KATNBL1: variants seen among roughly 807,000 people sequenced by gnomAD.
The protein encoded by KATNBL1 is KATNB1-like protein 1.
A neutral mutation model predicts 44.7 loss-of-function variants in KATNBL1; 28 were observed. The observed-to-expected ratio is 0.63, with a 90% CI of 0.46 to 0.86. The LOEUF is 0.86. Ranked by LOEUF, KATNBL1 falls within the 40% of genes least tolerant of loss-of-function variation. KATNBL1 has a pLI of 0.00. For missense variants in KATNBL1, 272 were observed against 350.7 expected (o/e 0.78, Z 1.79); for synonymous variants, 78 against 114.9 (o/e 0.68, Z 2.06).
intron 1 of KATNBL1, chr15:34,166,012 G>A (rs1371700983): frequency 6.6e-6 from 1 of 152,486 alleles, no homozygotes; most frequent in East Asian, 1.9e-4. Context: ...CAGCTCCCAG[G>A]GTGATCAACA....
intron 9 of KATNBL1, chr15:34,145,039 TTTAATTA>T (rs1238939915): frequency 1.0e-6 from 1 of 994,824 alleles, no homozygotes; most frequent in Non-Finnish European, 1.2e-6. Context: ...TCCAAAACCA[TTTAATTA>T]TGTTTCTTAT....
At chr15:34,162,792 T>C (rs1422068446) in intron 2 of KATNBL1, among the ~76,000 whole-genome samples, 1 of 151,618 alleles carries the variant, frequency 6.6e-6, no homozygotes, top group African/African-American at 2.4e-5. Context: ...AAAAGTTTTT[T>C]TGGTAGAGAT....
At position 34,152,188 on chromosome 15, in the gene KATNBL1, T is replaced by G. The variant is rs563710594; in HGVS notation, c.438+602A>C. 5.3e-5 allele frequency among the ~76,000 whole-genome samples: 8 copies of G among 151,596 alleles called. No homozygotes were observed. In the East Asian group the frequency reaches 1.6e-3, roughly 29 times the overall value. Reference sequence around the variant, plus strand: ...AACTCCCGACCTCAGGTGATCTGCCTGCAGATGTTGTCCTTTTTATTTTTA... The same window carrying G: ...AACTCCCGACCTCAGGTGATCTGCCGGCAGATGTTGTCCTTTTTATTTTTA... On this transcript the variant is annotated intron_variant, in intron 4 of 9. Coordinates refer to ENST00000256544, the MANE Select transcript of KATNBL1 (RefSeq NM_024713.3).
At chr15:34,196,021 A>G (rs1237319842) in intron 1 of KATNBL1, among the ~76,000 whole-genome samples, 13 of 152,224 alleles carry the variant, frequency 8.5e-5, no homozygotes, top group Admixed American at 7.9e-4. Context: ...AAAATAATAA[A>G]AACTGGAAAG....
chr15:34,176,442 C>A (rs540338062), intron 1 of KATNBL1, among the ~76,000 whole-genome samples: 1 of 151,162 alleles, frequency 6.6e-6, no homozygotes, highest in Non-Finnish European at 1.5e-5. Context: ...GTGAAAGAAG[C>A]CAAACATGAA....
intron 1 of KATNBL1, among the ~76,000 whole-genome samples, chr15:34,176,780 T>C (rs948217467): frequency 2.4e-4 from 37 of 152,336 alleles, no homozygotes; most frequent in African/African-American, 7.7e-4. Context: ...ATAATTGTAA[T>C]GGTAAAGTCT....
At chr15:34,199,661 G>C (rs1233930791) in intron 1 of KATNBL1, 1 of 152,422 alleles carries the variant, frequency 6.6e-6, no homozygotes, top group East Asian at 1.9e-4. Flanking sequence ...TGGTGGGTTC[G>C]TGGTCCAGAG....
Position 34,181,643 on chromosome 15 carries a change from C to T in KATNBL1, c.-14-17953G>A, listed in dbSNP as rs980815980. Among the ~76,000 whole-genome samples the T allele has an allele frequency of 6.0e-4, 60 of 100,088 alleles. 2 individuals carry two copies. Among genetic ancestry groups the T allele is most frequent in the African/African-American group, 2.1e-3 (58 of 28,264 alleles). The allele number at this position is 100,088 out of a possible 152,430, so 65.7% of individuals were successfully genotyped here. ...ACATATATATGTCCATATATATACA[C>T]ATATATATGTCCATATATATATCCA... On this transcript the variant is annotated intron_variant, in intron 1 of 9. Transcript: ENST00000256544.
chr15:34,156,774 C>T (rs559557531), intron 2 of KATNBL1, among the ~76,000 whole-genome samples: 17 of 152,278 alleles, frequency 1.1e-4, no homozygotes, highest in African/African-American at 4.1e-4. Flanking sequence ...AGGGGAAGAA[C>T]TTAGAGGGTT....
intron 4 of KATNBL1, 78 bp from the exon 5 acceptor site, chr15:34,148,828 G>T: frequency 5.0e-6 from 4 of 800,086 alleles, no homozygotes; most frequent in Non-Finnish European, 8.5e-6. Context: ...AATCGTTCTG[G>T]TAGACATAGT....
At chr15:34,175,113 A>AAC (rs71119940) in intron 1 of KATNBL1, among the ~76,000 whole-genome samples, 2,407 of 143,702 alleles carry the variant, frequency 0.017, 38 homozygotes, top group African/African-American at 0.045. Flanking sequence ...TAAAATAAGC[A>AAC]ACACACACAC....
chr15:34,157,683 C>A (rs528573529), intron 2 of KATNBL1, among the ~76,000 whole-genome samples: 4 of 152,266 alleles, frequency 2.6e-5, no homozygotes, highest in African/African-American at 7.2e-5. Flanking sequence ...CTCAACAGGG[C>A]AATGGGAAGG....
intron 1 of KATNBL1, among the ~76,000 whole-genome samples, chr15:34,168,617 C>A (rs1399966205): frequency 2.0e-5 from 3 of 152,182 alleles, no homozygotes; most frequent in African/African-American, 7.2e-5. Context: ...ACTCTTCACC[C>A]CAAATCAACA....
chr15:34,147,077 A>G (rs1888331139), intron 7 of KATNBL1, 123 bp downstream of exon 7: 1 of 664,714 alleles, frequency 1.5e-6, no homozygotes, highest in East Asian at 2.7e-5. Flanking sequence ...TAATTGTACT[A>G]TTAGCTTCTT....
intron 1 of KATNBL1, among the ~76,000 whole-genome samples, chr15:34,172,760 GAC>G (rs34182114): frequency 0.26 from 37,941 of 146,266 alleles, 5,716 homozygotes; most frequent in Non-Finnish European, 0.33. Context: ...CACAGACACA[GAC>G]ACACACACAC....
chr15:34,208,081 T>C (rs1890340714), intron 1 of KATNBL1, among the ~76,000 whole-genome samples: 7 of 152,216 alleles, frequency 4.6e-5, no homozygotes, highest in South Asian at 2.1e-4. Context: ...CCTGGCACAT[T>C]TTTTATTTTA....
rs1260867696 is a variant in KATNBL1 at position 34,147,160 on chromosome 15, T to C, written c.698+40A>G. ...TCACAAAGCACAAAATCAAGGATGC[T>C]GAAAAAGAAAAATGAATCAAGATTC... On this transcript the variant is annotated intron_variant, in intron 7 of 9. Transcript: ENST00000256544. 3.8e-6 allele frequency: 5 copies of C among 1,311,282 alleles called. No homozygotes were observed. The East Asian group carries it at 6.9e-5, about 18-fold the overall frequency. 81.2% of individuals were successfully genotyped at this position (1,311,282 alleles called of 1,614,324 possible).
chr15:34,145,817 T>TAA lies in KATNBL1; in HGVS notation c.789-328_789-327dup, dbSNP rs34884825. 64 of 149,446 alleles carry TAA rather than the reference T, an allele frequency of 4.3e-4. 1 individual carries two copies. The highest frequency in any genetic ancestry group is 2.9e-3 in the East Asian group (15 of 5,194). 9.3% of individuals were successfully genotyped at this position (149,446 alleles called of 1,614,324 possible). ...ATAAAATTTCTTACTTGATTTCAAT[T>TAA]AAAAAAAAAAAGAAAATTAAAGGTT... On this transcript the variant is annotated intron_variant, in intron 8 of 9. Transcript: ENST00000256544.
At chr15:34,154,746 C>T (rs1225507808) in intron 2 of KATNBL1, 62 bp from the exon 3 acceptor site, 4 of 1,121,432 alleles carry the variant, frequency 3.6e-6, no homozygotes, top group Non-Finnish European at 5.4e-6. Flanking sequence ...AAAGAAGAAT[C>T]AGCACTCCGG....
Sources: gnomAD v4.1 joint callset for allele counts (sites outside exome capture counted in the v4.1 genomes callset) on GRCh38, gnomAD v4.1.1 for gene constraint, MANE v1.5 for transcripts, NCBI Gene and HGNC (gene_info 2026-07-23, HGNC 2026-07-21) for gene names.